CDK14: variants seen among roughly 807,000 people sequenced by gnomAD.
The protein encoded by CDK14 is cyclin-dependent kinase 14.
A neutral mutation model predicts 60.7 loss-of-function variants in CDK14; 34 were observed. The ratio of observed to expected loss-of-function variants is 0.56; its 90% CI spans 0.43 to 0.75. CDK14 has a LOEUF of 0.75. Among genes scored for constraint, CDK14 ranks in the 30% least tolerant of loss-of-function variants. The pLI, the probability that CDK14 is intolerant of heterozygous loss-of-function variation, is 0.00. For synonymous variants in CDK14, 197 were observed against 203.7 expected, an observed-to-expected ratio of 0.97 and a Z score of 0.28; for missense variants, 482 against 564.1, an observed-to-expected ratio of 0.85 and a Z score of 1.47.
intron 6 of CDK14, among the ~76,000 whole-genome samples, chr7:90,884,684 A>G (rs966485287): frequency 4.4e-4 from 67 of 152,186 alleles, no homozygotes; most frequent in African/African-American, 1.6e-3. Flanking sequence ...ACTTCAAACT[A>G]TGCTACAGGG....
chr7:91,114,622 C>T (rs1457352259), intron 13 of CDK14, among the ~76,000 whole-genome samples: 1 of 152,090 alleles, frequency 6.6e-6, no homozygotes, highest in African/African-American at 2.4e-5. Flanking sequence ...ACATCAGGAG[C>T]AGTGAAACCT....
chr7:90,596,741 C>G, intron 1 of CDK14, 23 bp downstream of exon 1: 1 of 1,562,952 alleles, frequency 6.4e-7, no homozygotes, highest in Non-Finnish European at 8.8e-7. Context: ...CTGCCCCCGG[C>G]CCCCCCAGCG....
intron 4 of CDK14, among the ~76,000 whole-genome samples, chr7:90,775,513 T>A (rs1436090008): frequency 3.9e-5 from 6 of 151,974 alleles, no homozygotes; most frequent in Admixed American, 1.3e-4. Flanking sequence ...ATGAGAAAAT[T>A]TGATTTCTCT....
At chr7:91,173,221 G>A (rs981722831) in intron 14 of CDK14, among the ~76,000 whole-genome samples, 1 of 152,114 alleles carries the variant, frequency 6.6e-6, no homozygotes, top group Non-Finnish European at 1.5e-5. Flanking sequence ...TACTTATTCT[G>A]TTCTTCCAGG....
intron 6 of CDK14, among the ~76,000 whole-genome samples, chr7:90,887,239 A>G (rs1791973826): frequency 1.3e-5 from 2 of 152,174 alleles, no homozygotes; most frequent in South Asian, 2.1e-4. Flanking sequence ...TTGAATTTTT[A>G]AAAATAATGT....
At chr7:90,899,116 A>G (rs896060738) in intron 6 of CDK14, among the ~76,000 whole-genome samples, 175 bp from the exon 7 acceptor site, 2 of 152,008 alleles carry the variant, frequency 1.3e-5, no homozygotes, top group Admixed American at 6.6e-5. Context: ...TAATGATTCA[A>G]TTGTGTTTAA....
intron 14 of CDK14, among the ~76,000 whole-genome samples, chr7:91,200,148 AG>A (rs1051023348): frequency 6.6e-6 from 1 of 152,232 alleles, no homozygotes; most frequent in African/African-American, 2.4e-5. Flanking sequence ...ATTCACTCAA[AG>A]AATAAGGAAA....
Position 90,931,035 on chromosome 7 carries a change from T to G in CDK14, c.826+13311T>G, listed in dbSNP as rs114816631. On this transcript the variant is annotated intron_variant, in intron 8 of 14. Coordinates refer to ENST00000380050, the MANE Select transcript of CDK14 (RefSeq NM_001287135.2). Reference sequence around the variant, plus strand: ...AGCTTTCAAGTAGTTCTGATTTTTATTATGATCAGTGATTTTTTAAATAGG... The same window carrying G: ...AGCTTTCAAGTAGTTCTGATTTTTAGTATGATCAGTGATTTTTTAAATAGG... 5.3e-3 allele frequency among the ~76,000 whole-genome samples: 806 copies of G among 152,326 alleles called. 8 individuals are homozygous for G. The highest frequency in any genetic ancestry group is 0.018 in the African/African-American group (759 of 41,572).
chr7:91,173,963 A>C (rs1801626244), intron 14 of CDK14, among the ~76,000 whole-genome samples: 1 of 152,210 alleles, frequency 6.6e-6, no homozygotes, highest in Non-Finnish European at 1.5e-5. Context: ...CCACAGCTCA[A>C]GGAGGCCTGC....
chr7:90,860,382 G>T (rs1790966241), intron 5 of CDK14, among the ~76,000 whole-genome samples: 3 of 151,940 alleles, frequency 2.0e-5, no homozygotes, highest in Non-Finnish European at 4.4e-5. Context: ...TTATTATAAG[G>T]AGATAATCCA....
intron 6 of CDK14, among the ~76,000 whole-genome samples, chr7:90,874,211 A>G (rs1442511320): frequency 6.6e-6 from 1 of 152,036 alleles, no homozygotes; most frequent in Admixed American, 6.5e-5. Flanking sequence ...TTCCTGGGAA[A>G]GGGTGTGTGC....
intron 14 of CDK14, among the ~76,000 whole-genome samples, chr7:91,195,765 T>C (rs1802515667): frequency 6.6e-6 from 1 of 152,232 alleles, no homozygotes; most frequent in Non-Finnish European, 1.5e-5. Context: ...ACTGTATGAC[T>C]GCCCTTGGGT....
At chr7:90,933,393 G>T (rs1311979942) in intron 8 of CDK14, among the ~76,000 whole-genome samples, 3 of 152,162 alleles carry the variant, frequency 2.0e-5, no homozygotes, top group African/African-American at 7.2e-5. Context: ...TACAGGTGAT[G>T]ATAAGGAAGC....
chr7:90,656,483 G>A (rs956368187), intron 2 of CDK14, among the ~76,000 whole-genome samples: 1 of 151,448 alleles, frequency 6.6e-6, no homozygotes, highest in Non-Finnish European at 1.5e-5. Context: ...AGGTTCAAGC[G>A]ATTCTTCTGC....
Position 91,088,175 on chromosome 7 carries a change from A to G in CDK14, c.1154+8695A>G, listed in dbSNP as rs544667709. On this transcript the variant is annotated intron_variant, in intron 12 of 14. Transcript: ENST00000380050. Reference sequence around the variant, plus strand: ...GCTGTTTACAGCATTTAAAGGGGGAAGGTAGATGAATTATCTCTCAAAACA... The same window carrying G: ...GCTGTTTACAGCATTTAAAGGGGGAGGGTAGATGAATTATCTCTCAAAACA... Among the ~76,000 whole-genome samples the G allele has an allele frequency of 2.0e-5, 3 of 152,326 alleles. No homozygotes were observed. The East Asian group carries it at 5.8e-4, about 29-fold the overall frequency.
At chr7:90,987,226 T>G (rs996352847) in intron 10 of CDK14, among the ~76,000 whole-genome samples, 4 of 152,008 alleles carry the variant, frequency 2.6e-5, no homozygotes, top group African/African-American at 9.7e-5. Flanking sequence ...TTTATGGGTA[T>G]TCAGAGACCT....
chr7:90,979,837 T>C (rs1795182994), intron 9 of CDK14: 1 of 152,228 alleles, frequency 6.6e-6, no homozygotes, highest in Non-Finnish European at 1.5e-5. Context: ...TAATGATAAA[T>C]GTCAGATAGT....
intron 8 of CDK14, 57 bp downstream of exon 8, chr7:90,917,781 A>T: frequency 6.4e-7 from 1 of 1,560,450 alleles, no homozygotes; most frequent in Non-Finnish European, 8.8e-7. Context: ...TGCCAGGCAG[A>T]TGGTGGCACT....
intron 9 of CDK14, among the ~76,000 whole-genome samples, chr7:90,983,666 C>A (rs1356167178): frequency 4.3e-5 from 6 of 139,632 alleles, no homozygotes; most frequent in Admixed American, 7.5e-5. Flanking sequence ...GGGGACAGAG[C>A]AAGACTCCAT....
Sources: allele counts gnomAD v4.1 joint callset (sites outside exome capture counted in the v4.1 genomes callset), GRCh38; gene constraint gnomAD v4.1.1; transcripts MANE v1.5; gene names NCBI Gene and HGNC (gene_info 2026-07-23, HGNC 2026-07-21).